ZNF75A: variants seen among roughly 807,000 people sequenced by gnomAD.
ZNF75A encodes zinc finger protein 75A.
In ZNF75A, 36 loss-of-function variants were observed where a neutral mutation model predicts 46.3. The observed-to-expected ratio is 0.78, with a 90% CI of 0.60 to 1.03. ZNF75A has a LOEUF of 1.03. Ranked by LOEUF, ZNF75A falls within the 50% of genes least tolerant of loss-of-function variation. The pLI is 0.00. For synonymous variants in ZNF75A, 234 were observed against 189.9 expected (o/e 1.23, Z -1.91); for missense variants, 595 against 551.3 (o/e 1.08, Z -0.79).
intron 5 of ZNF75A, 117 bp from the exon 6 acceptor site, chr16:3,316,794 TA>T (rs1961240958): frequency 1.5e-6 from 1 of 669,610 alleles, no homozygotes. Context: ...TCTATCCATT[TA>T]ACCATTTGGA....
chr16:3,312,003 C>T, intron 3 of ZNF75A, 55 bp downstream of exon 3: 1 of 938,290 alleles, frequency 1.1e-6, no homozygotes, highest in Non-Finnish European at 1.3e-6. Context: ...ATAGTTTATT[C>T]ACCCAAAATG....
chr16:3,315,246 C>T (rs1487537631), intron 5 of ZNF75A: 2 of 240,524 alleles, frequency 8.3e-6, no homozygotes, highest in Admixed American at 1.5e-4. Flanking sequence ...GGCTGGAGTG[C>T]AGTGGTGCGA....
Position 3,317,291 on chromosome 16 carries a change from A to G in ZNF75A, c.1036A>G (p.Lys346Glu). 6.2e-7 allele frequency: 1 copy of G among 1,614,112 alleles called. No individual in the cohort carries two copies. The highest frequency in any genetic ancestry group is 8.5e-7 in the Non-Finnish European group (1 of 1,180,028). The part of the protein sequence containing the change: ...AGVISKKAKV[K>E]VPQKTAGKEN... ...CGTCATATCAAAAAAGGCCAAAGTA[A>G]AAGTTCCCCAGAAAACAGCAGGCAA... The change falls in exon 7 of 7, where the codon AAA becomes GAA. Residue 346 changes from lysine (K) to glutamate (E), a missense_variant. Physicochemically the swap from Lys to Glu is moderately conservative, Grantham distance 56. Transcript: ENST00000669516.
chr16:3,316,690 T>C (rs1213805776), intron 5 of ZNF75A: 4 of 388,356 alleles, frequency 1.0e-5, no homozygotes, highest in Non-Finnish European at 9.3e-6. Flanking sequence ...CTATATCCTT[T>C]TCATTGATCC....
intron 5 of ZNF75A, chr16:3,316,260 A>G (rs1961196741): frequency 1.3e-5 from 2 of 152,230 alleles, no homozygotes; most frequent in Admixed American, 1.3e-4. Context: ...AGCAGTGCCT[A>G]ACACACCATA....
downstream of ZNF75A, among the ~76,000 whole-genome samples, chr16:3,321,245 C>G (rs186245854): frequency 2.6e-5 from 4 of 152,182 alleles, no homozygotes; most frequent in African/African-American, 9.7e-5. Flanking sequence ...ACTAAATGCA[C>G]AAATATGTCC....
downstream of ZNF75A, among the ~76,000 whole-genome samples, chr16:3,319,623 G>C (rs530633845): frequency 5.9e-5 from 9 of 152,278 alleles, no homozygotes; most frequent in Admixed American, 2.6e-4. Flanking sequence ...TGAGGACACA[G>C]GAGTGGCCAA....
rs940880602 is a variant in ZNF75A, at chr16:3,317,859, T to G, written c.1604T>G (p.Leu535Arg). The G allele has an allele frequency of 1.5e-5, 24 of 1,605,204 alleles. No individual in the cohort carries two copies. Among genetic ancestry groups the G allele is most frequent in the Non-Finnish European group, 1.4e-5 (17 of 1,175,050 alleles). Residue 535 changes from leucine to arginine, a missense_variant, in exon 7 of 7, where the codon CTC (leucine) becomes CGC (arginine). Transcript: ENST00000669516. ...TCAAGCCTTCTTAGACACCAGAAACTCCACCTGTGAAGAGAAGCTTGTCCA... is the reference window on the plus strand; with the variant it reads ...TCAAGCCTTCTTAGACACCAGAAACGCCACCTGTGAAGAGAAGCTTGTCCA... Reference protein sequence around the residue: ...RRSSLLRHQKLHL With the variant: ...RRSSLLRHQKRHL
chr16:3,314,045 A>G (rs1349062940), intron 5 of ZNF75A, among the ~76,000 whole-genome samples: 1 of 152,188 alleles, frequency 6.6e-6, no homozygotes, highest in Admixed American at 6.5e-5. Context: ...AATGTATATC[A>G]TGCAAGGGGA....
In ZNF75A at chr16:3,317,730, G is replaced by C; in HGVS notation, c.1475G>C (p.Gly492Ala). Reference sequence around the variant, plus strand: ...AAGCCCTTCACATGTCATGAATGTGGAAAAAAATTCAGTCAGAACTCCCAC... The same window carrying C: ...AAGCCCTTCACATGTCATGAATGTGCAAAAAAATTCAGTCAGAACTCCCAC... The part of the protein sequence containing the change: ...GEKPFTCHEC[G>A]KKFSQNSHLI... The change falls in exon 7 of 7, where the codon GGA becomes GCA. Residue 492 changes from glycine to alanine, a missense_variant. Transcript: ENST00000669516. The C allele has an allele frequency of 1.2e-6, 2 of 1,614,120 alleles. No homozygotes were observed. The highest frequency in any genetic ancestry group is 1.6e-4 in the Middle Eastern group (1 of 6,062).
chr16:3,310,966 C>T (rs1960729191), intron 2 of ZNF75A: 1 of 985,170 alleles, frequency 1.0e-6, no homozygotes, highest in Non-Finnish European at 1.2e-6. Flanking sequence ...AGCCACTCCC[C>T]TTTTTTCTCC....
At position 3,312,672 on chromosome 16, in the gene ZNF75A, C is replaced by A. The variant is rs926443543; in HGVS notation, c.605-5C>A. The A allele has an allele frequency of 9.0e-6, 9 of 1,001,552 alleles. No individual in the cohort carries two copies. Among genetic ancestry groups the A allele is most frequent in the African/African-American group, 5.2e-5 (3 of 57,574 alleles). 62.0% of individuals were successfully genotyped at this position (1,001,552 alleles called of 1,614,324 possible). On this transcript the variant is annotated splice_region_variant and splice_polypyrimidine_tract_variant and intron_variant, in intron 3 of 6. Coordinates refer to ENST00000669516, the MANE Select transcript of ZNF75A (RefSeq NM_001302109.2). ...AGATTTCTTCTGGCTCTTTTCCCCCCACAGCTGTGCCTACTCAACAGATTC... is the reference window on the plus strand; with the variant it reads ...AGATTTCTTCTGGCTCTTTTCCCCCAACAGCTGTGCCTACTCAACAGATTC...
downstream of ZNF75A, among the ~76,000 whole-genome samples, chr16:3,322,342 C>G (rs2029975082): frequency 6.6e-6 from 1 of 152,170 alleles, no homozygotes; most frequent in Admixed American, 6.5e-5. Context: ...AAACATCAAC[C>G]AAATTTGCTA....
chr16:3,322,800 G>A (rs1596406152), downstream of ZNF75A: 1 of 565,436 alleles, frequency 1.8e-6, no homozygotes. Context: ...TTCAAAACAA[G>A]GACCCAGGAA....
intron 1 of ZNF75A, chr16:3,307,261 A>G (rs1960353547): frequency 6.6e-6 from 1 of 152,084 alleles, no homozygotes; most frequent in Admixed American, 6.5e-5. Context: ...AGTTTTAAAT[A>G]ACTCTTACTA....
In ZNF75A at chr16:3,308,357, G is replaced by T; in HGVS notation, c.-72G>T. On this transcript the variant is annotated 5_prime_UTR_variant, in exon 2 of 7. Transcript: ENST00000669516. ...CTTTTATTGCTTTTGTACAAGACCA[G>T]ACAGGATCTCATTTGTTAAACGTGG... 9.5e-6 allele frequency: 9 copies of T among 948,908 alleles called. No homozygotes were observed. Among genetic ancestry groups the T allele is most frequent in the Non-Finnish European group, 1.1e-5 (9 of 796,222 alleles). 58.8% of individuals were successfully genotyped at this position (948,908 alleles called of 1,614,324 possible).
At chr16:3,319,268 C>G (rs978222472), downstream of ZNF75A, among the ~76,000 whole-genome samples, 1 of 152,120 alleles carries the variant, frequency 6.6e-6, no homozygotes, top group African/African-American at 2.4e-5. Context: ...CACCCACCAC[C>G]ACGCCTGGCT....
downstream of ZNF75A, among the ~76,000 whole-genome samples, chr16:3,322,279 T>C (rs1263011256): frequency 6.6e-6 from 1 of 152,192 alleles, no homozygotes. Flanking sequence ...TTTCTACACC[T>C]GTCACTTTTT....
chr16:3,319,797 A>T (rs200957744), downstream of ZNF75A, among the ~76,000 whole-genome samples: 5,811 of 132,982 alleles, frequency 0.044, 353 homozygotes, highest in African/African-American at 0.15. Flanking sequence ...TTTTTTTTTT[A>T]TTTTTTTTTT....
Sources: allele counts gnomAD v4.1 joint callset (sites outside exome capture counted in the v4.1 genomes callset), GRCh38; gene constraint gnomAD v4.1.1; transcripts MANE v1.5; gene names NCBI Gene and HGNC (gene_info 2026-07-23, HGNC 2026-07-21).